SLC44A5: variants seen among roughly 807,000 people sequenced by gnomAD.
SLC44A5 encodes choline transporter-like protein 5.
A neutral mutation model predicts 101.8 loss-of-function variants in SLC44A5; 57 were observed. The ratio of observed to expected loss-of-function variants is 0.56; its 90% CI spans 0.45 to 0.70. The LOEUF is 0.70. Among genes scored for constraint, SLC44A5 ranks in the 30% least tolerant of loss-of-function variants. SLC44A5 has a pLI of 0.00. For missense variants in SLC44A5, 737 were observed against 853.1 expected (o/e 0.86, Z 1.70); for synonymous variants, 281 against 290.9 (o/e 0.97, Z 0.35).
At chr1:75,329,700 G>A (rs890304956) in intron 4 of SLC44A5, among the ~76,000 whole-genome samples, 9 of 151,916 alleles carry the variant, frequency 5.9e-5, no homozygotes, top group African/African-American at 2.2e-4. Flanking sequence ...ATGAAATTCC[G>A]CCAATATTTC....
chr1:75,264,536 C>T (rs1650829029), intron 6 of SLC44A5, among the ~76,000 whole-genome samples: 1 of 152,160 alleles, frequency 6.6e-6, no homozygotes, highest in Non-Finnish European at 1.5e-5. Context: ...TAACATGCTT[C>T]TGAATGACCG....
intron 5 of SLC44A5, among the ~76,000 whole-genome samples, chr1:75,282,284 C>T (rs1652668035): frequency 6.6e-6 from 1 of 152,176 alleles, no homozygotes. Context: ...TTGTTTTGGC[C>T]AATTTCTCCC....
At chr1:75,478,302 C>T (rs1667571213) in intron 2 of SLC44A5, among the ~76,000 whole-genome samples, 1 of 152,138 alleles carries the variant, frequency 6.6e-6, no homozygotes, top group Non-Finnish European at 1.5e-5. Context: ...AAAATCATGC[C>T]AAATTGTAAA....
At chr1:75,420,470 G>C (rs1663936004) in intron 2 of SLC44A5, among the ~76,000 whole-genome samples, 1 of 152,112 alleles carries the variant, frequency 6.6e-6, no homozygotes, top group Admixed American at 6.5e-5. Flanking sequence ...CAACTCCACT[G>C]ATAATTAGAT....
chr1:75,634,885 G>A, the SLC44A5 span, among the ~76,000 whole-genome samples: 1 of 152,028 alleles, frequency 6.6e-6, no homozygotes, highest in Non-Finnish European at 1.5e-5. Flanking sequence ...TACAAAGTGG[G>A]AGAAAATTTT....
intron 2 of SLC44A5, among the ~76,000 whole-genome samples, chr1:75,454,519 G>C (rs1666080899): frequency 1.3e-5 from 2 of 151,940 alleles, no homozygotes; most frequent in Non-Finnish European, 2.9e-5. Flanking sequence ...ACCACTCCTA[G>C]TCAAAATAGA....
At chr1:75,659,736 C>T in the SLC44A5 span, among the ~76,000 whole-genome samples, 1 of 151,236 alleles carries the variant, frequency 6.6e-6, no homozygotes, top group African/African-American at 2.4e-5. Context: ...GAAGTTGAGG[C>T]TGGTGACAGA....
intron 6 of SLC44A5, among the ~76,000 whole-genome samples, chr1:75,261,548 G>C (rs1320474775): frequency 6.6e-6 from 1 of 152,110 alleles, no homozygotes; most frequent in African/African-American, 2.4e-5. Flanking sequence ...ACTAAGAAAA[G>C]TCCAGGACCA....
intron 2 of SLC44A5, among the ~76,000 whole-genome samples, chr1:75,516,775 CT>C (rs1284419525): frequency 1.3e-5 from 2 of 152,266 alleles, no homozygotes; most frequent in East Asian, 3.9e-4. Context: ...TTGACCATCT[CT>C]TCCTGCAAGC....
chr1:75,682,658 G>T, the SLC44A5 span, among the ~76,000 whole-genome samples: 1 of 151,764 alleles, frequency 6.6e-6, no homozygotes, highest in Non-Finnish European at 1.5e-5. Flanking sequence ...AACCCTAGAA[G>T]AAAACCTAGG....
At chr1:75,527,187 AAG>A (rs1440187143) in intron 2 of SLC44A5, among the ~76,000 whole-genome samples, 1 of 151,660 alleles carries the variant, frequency 6.6e-6, no homozygotes, top group Non-Finnish European at 1.5e-5. Context: ...GAAAGAAAAA[AAG>A]AGAAGGAAGG....
intron 4 of SLC44A5, among the ~76,000 whole-genome samples, chr1:75,318,828 G>C (rs558129335): frequency 3.9e-5 from 6 of 152,046 alleles, no homozygotes; most frequent in Non-Finnish European, 7.4e-5. Flanking sequence ...ATGGAGAACT[G>C]AGCACCAGAA....
chr1:75,543,440 T>G (rs75266217), intron 1 of SLC44A5, among the ~76,000 whole-genome samples: 6,516 of 151,990 alleles, frequency 0.043, 172 homozygotes, highest in East Asian at 0.1. Context: ...CTCTGCTAAC[T>G]TTTTCTCCAT....
chr1:75,597,227 A>G (rs1243524785), intron 1 of SLC44A5, among the ~76,000 whole-genome samples: 1 of 151,584 alleles, frequency 6.6e-6, no homozygotes, highest in Non-Finnish European at 1.5e-5. Context: ...CAAAATACCA[A>G]GGAATAAACC....
chr1:75,366,365 AGATTTCT>A (rs1659858107), intron 3 of SLC44A5, among the ~76,000 whole-genome samples: 1 of 152,116 alleles, frequency 6.6e-6, no homozygotes, highest in Non-Finnish European at 1.5e-5. Flanking sequence ...CTAGCCTGCA[AGATTTCT>A]GTTAAGAAAC....
At chr1:75,400,063 A>C (rs1026442523) in intron 2 of SLC44A5, among the ~76,000 whole-genome samples, 1 of 152,230 alleles carries the variant, frequency 6.6e-6, no homozygotes, top group Non-Finnish European at 1.5e-5. Flanking sequence ...GCCATTATCC[A>C]AAGTGAATCA....
intron 6 of SLC44A5, among the ~76,000 whole-genome samples, chr1:75,274,074 T>C (rs1317044591): frequency 6.6e-6 from 1 of 152,088 alleles, no homozygotes; most frequent in Non-Finnish European, 1.5e-5. Flanking sequence ...CTTGGAATAA[T>C]ATGCTCCATA....
intron 4 of SLC44A5, among the ~76,000 whole-genome samples, chr1:75,326,114 G>A (rs1372967563): frequency 2.0e-5 from 3 of 150,750 alleles, no homozygotes; most frequent in African/African-American, 4.9e-5. Context: ...GTGTGTGTGT[G>A]TGTGTGTGTG....
chr1:75,708,886 G>C, the SLC44A5 span, among the ~76,000 whole-genome samples: 4,646 of 152,038 alleles, frequency 0.031, 99 homozygotes, highest in Middle Eastern at 0.048. Context: ...AAAATAATTA[G>C]CCGGTACTTA....
Sources: gnomAD v4.1 joint callset for allele counts (sites outside exome capture counted in the v4.1 genomes callset) on GRCh38, gnomAD v4.1.1 for gene constraint, MANE v1.5 for transcripts, NCBI Gene and HGNC (gene_info 2026-07-23, HGNC 2026-07-21) for gene names.